Variants in PMS1 observed in about 807,000 individuals in gnomAD.
The protein encoded by PMS1 is PMS1 homolog 1, mismatch repair system component, also known as PMS1 protein homolog 1.
Under a neutral mutation model 93.1 loss-of-function variants are expected in PMS1, and 79 were observed. The ratio of observed to expected loss-of-function variants is 0.85; its 90% CI spans 0.71 to 1.02. The LOEUF (loss-of-function observed/expected upper bound fraction) is 1.02, where lower values mean the gene tolerates loss of function less well. Ranked by LOEUF, PMS1 falls within the 50% of genes least tolerant of loss-of-function variation. PMS1 has a pLI of 0.00. For synonymous variants in PMS1, 335 were observed against 363.4 expected (o/e 0.92, Z 0.89); for missense variants, 1,064 against 1,085.3 (o/e 0.98, Z 0.28).
In PMS1 at chr2:189,854,956, G is replaced by T. The variant is rs189785572; in HGVS notation, c.1684G>T (p.Ala562Ser). The part of the protein sequence containing the change: ...VIDNKSGKVT[A>S]YDLLSNRVIK... ...AGATAATAAATCTGGAAAAGTTACA[G>T]CTTATGATTTACTTAGCAATCGAGT... The change falls in exon 9 of 13, where the codon GCT becomes TCT. Residue 562 changes from alanine (A) to serine (S), a missense_variant. Physicochemically the swap from Ala to Ser is moderately conservative, Grantham distance 99. Transcript: ENST00000441310. 1.7e-5 allele frequency: 27 copies of T among 1,612,298 alleles called. No individual in the cohort carries two copies. In the African/African-American group the frequency reaches 2.9e-4, roughly 18 times the overall value.
At chr2:189,802,019 C>G (rs1381545010) in intron 3 of PMS1, among the ~76,000 whole-genome samples, 6 of 152,172 alleles carry the variant, frequency 3.9e-5, no homozygotes, top group Admixed American at 3.9e-4. Context: ...ATGTCTTCAT[C>G]CCGTAGTGTT....
intron 12 of PMS1, among the ~76,000 whole-genome samples, chr2:189,875,092 CAG>C (rs1450636485): frequency 6.6e-6 from 1 of 150,838 alleles, no homozygotes; most frequent in Non-Finnish European, 1.5e-5. Context: ...TAAGATGAAT[CAG>C]AGAGAAAGGA....
chr2:189,875,530 A>AT (rs903907396), intron 12 of PMS1, among the ~76,000 whole-genome samples: 2 of 152,154 alleles, frequency 1.3e-5, no homozygotes, highest in Non-Finnish European at 2.9e-5. Context: ...AATAGACGAC[A>AT]TTTGCCAGTA....
At chr2:189,804,876 A>G (rs1213480093) in intron 3 of PMS1, among the ~76,000 whole-genome samples, 1 of 152,128 alleles carries the variant, frequency 6.6e-6, no homozygotes, top group Non-Finnish European at 1.5e-5. Context: ...CCTTGCCAGC[A>G]TCCCCACTCC....
chr2:189,792,132 A>G (rs2048923595), intron 2 of PMS1, among the ~76,000 whole-genome samples, 191 bp downstream of exon 2: 1 of 152,262 alleles, frequency 6.6e-6, no homozygotes, highest in Non-Finnish European at 1.5e-5. Flanking sequence ...TAGTAACACT[A>G]AAGGAAATAT....
At chr2:189,861,147 G>C (rs549403617) in intron 9 of PMS1, among the ~76,000 whole-genome samples, 3 of 151,624 alleles carry the variant, frequency 2.0e-5, no homozygotes, top group East Asian at 3.9e-4. Flanking sequence ...CTCCTTTTTG[G>C]GGGGAGAGGA....
At chr2:189,825,591 T>G (rs2052362704) in intron 5 of PMS1, among the ~76,000 whole-genome samples, 1 of 152,222 alleles carries the variant, frequency 6.6e-6, no homozygotes, top group East Asian at 1.9e-4. Flanking sequence ...ACATTATAAT[T>G]GCTGATTTGT....
At chr2:189,787,587 T>C (rs1313444296) in intron 1 of PMS1, among the ~76,000 whole-genome samples, 1 of 119,156 alleles carries the variant, frequency 8.4e-6, no homozygotes, top group East Asian at 2.5e-4. Context: ...GTAATTAAGA[T>C]TAACTTCACT....
At chr2:189,800,858 G>A (rs866569302) in intron 3 of PMS1, among the ~76,000 whole-genome samples, 1 of 152,250 alleles carries the variant, frequency 6.6e-6, no homozygotes, top group African/African-American at 2.4e-5. Context: ...GAAAAATTAA[G>A]TTAGACTTTC....
intron 2 of PMS1, among the ~76,000 whole-genome samples, chr2:189,793,962 C>T (rs939735743): frequency 2.0e-5 from 3 of 152,032 alleles, no homozygotes; most frequent in East Asian, 1.9e-4. Context: ...GACCATGTTG[C>T]CCAGGCTGGT....
At chr2:189,805,500 A>G (rs1017694798) in intron 3 of PMS1, 152 bp from the exon 4 acceptor site, 18 of 704,234 alleles carry the variant, frequency 2.6e-5, no homozygotes, top group Admixed American at 9.0e-5. Flanking sequence ...GTGTAACTCT[A>G]AGGAATATTA....
intron 3 of PMS1, among the ~76,000 whole-genome samples, chr2:189,800,594 GA>G (rs1218487937): frequency 1.3e-5 from 2 of 152,118 alleles, no homozygotes; most frequent in African/African-American, 4.8e-5. Context: ...TTCATATATA[GA>G]AAAAATATAT....
chr2:189,863,661 T>C (rs2056276293), intron 9 of PMS1, 82 bp from the exon 10 acceptor site: 9 of 1,089,946 alleles, frequency 8.3e-6, no homozygotes, highest in Non-Finnish European at 1.1e-5. Flanking sequence ...ACACCAGTAC[T>C]TTATTTTTAT....
chr2:189,857,974 T>A (rs1286879028), intron 9 of PMS1, among the ~76,000 whole-genome samples: 2 of 152,064 alleles, frequency 1.3e-5, no homozygotes, highest in Non-Finnish European at 2.9e-5. Context: ...AATAAGATTC[T>A]ATGACAGGAA....
intron 10 of PMS1, 95 bp downstream of exon 10, chr2:189,864,323 A>G (rs1192455918): frequency 1.1e-6 from 1 of 871,530 alleles, no homozygotes. Context: ...AATGTTTCCT[A>G]GTAAGGATTA....
chr2:189,860,678 A>G (rs1447863693), intron 9 of PMS1, among the ~76,000 whole-genome samples: 2 of 152,044 alleles, frequency 1.3e-5, no homozygotes, highest in African/African-American at 2.4e-5. Context: ...TGTCTTGACA[A>G]ATGTTCCATG....
At chr2:189,835,956 GA>G (rs146781457) in intron 5 of PMS1, among the ~76,000 whole-genome samples, 2,567 of 145,376 alleles carry the variant, frequency 0.018, 62 homozygotes, top group African/African-American at 0.058. Flanking sequence ...TTGTTTGGTG[GA>G]AAAAAAAAAA....
intron 5 of PMS1, among the ~76,000 whole-genome samples, chr2:189,836,664 C>T (rs548587392): frequency 6.6e-6 from 1 of 152,242 alleles, no homozygotes; most frequent in South Asian, 2.1e-4. Flanking sequence ...GAAGATTTTA[C>T]TTGTTGGCAG....
At chr2:189,859,265 A>G (rs2055692472) in intron 9 of PMS1, among the ~76,000 whole-genome samples, 1 of 152,134 alleles carries the variant, frequency 6.6e-6, no homozygotes, top group Admixed American at 6.6e-5. Context: ...ACTTTAACTC[A>G]TTTTATTTCT....
Sources: allele counts gnomAD v4.1 joint callset (sites outside exome capture counted in the v4.1 genomes callset), GRCh38; gene constraint gnomAD v4.1.1; transcripts MANE v1.5; gene names NCBI Gene and HGNC (gene_info 2026-07-23, HGNC 2026-07-21).